The following NCKAP5 variants were observed in gnomAD, a reference collection of about 807,000 sequenced individuals.
NCKAP5 encodes the protein NCK associated protein 5, also known as nck-associated protein 5.
In NCKAP5, 92 loss-of-function variants were observed where a neutral mutation model predicts 167.0. The observed-to-expected ratio is 0.55, with a 90% CI of 0.47 to 0.66. NCKAP5 has a LOEUF of 0.66. NCKAP5 is among the 30% of genes least tolerant of loss of function. The pLI is 0.00. For missense variants in NCKAP5, 2,378 were observed against 2,315.0 expected (o/e 1.03, Z -0.56); for synonymous variants, 891 against 877.4 (o/e 1.02, Z -0.27).
At chr2:133,049,314 G>A (rs931165785) in intron 6 of NCKAP5, among the ~76,000 whole-genome samples, 1 of 152,136 alleles carries the variant, frequency 6.6e-6, no homozygotes, top group Non-Finnish European at 1.5e-5. Context: ...GGGAAGCCTA[G>A]GCGGGTGGAT....
At chr2:133,299,432 C>T (rs1680198484) in intron 4 of NCKAP5, among the ~76,000 whole-genome samples, 1 of 151,958 alleles carries the variant, frequency 6.6e-6, no homozygotes, top group Non-Finnish European at 1.5e-5. Flanking sequence ...GAGCACTCTC[C>T]CCATGCCGCA....
At chr2:132,720,490 G>A (rs963256456) in intron 19 of NCKAP5, among the ~76,000 whole-genome samples, 1 of 152,236 alleles carries the variant, frequency 6.6e-6, no homozygotes. Flanking sequence ...AACAAAGCAA[G>A]TGGGCCCCCA....
intron 11 of NCKAP5, among the ~76,000 whole-genome samples, chr2:132,804,255 T>C (rs1375767920): frequency 6.6e-6 from 1 of 152,182 alleles, no homozygotes; most frequent in East Asian, 1.9e-4. Flanking sequence ...GCTTCCCTTT[T>C]GTCTTCTTCT....
intron 3 of NCKAP5, among the ~76,000 whole-genome samples, chr2:133,350,624 A>G (rs1684296801): frequency 6.6e-6 from 1 of 152,096 alleles, no homozygotes; most frequent in South Asian, 2.1e-4. Context: ...ATCCCATTTT[A>G]CATGTCAGCA....
At chr2:132,941,937 T>C (rs1697331428) in intron 8 of NCKAP5, among the ~76,000 whole-genome samples, 1 of 152,206 alleles carries the variant, frequency 6.6e-6, no homozygotes, top group Non-Finnish European at 1.5e-5. Context: ...CGGGCAAAAA[T>C]ATTTTAGCAT....
intron 5 of NCKAP5, among the ~76,000 whole-genome samples, chr2:133,163,424 A>G (rs1365287293): frequency 2.0e-5 from 3 of 152,232 alleles, no homozygotes; most frequent in Non-Finnish European, 4.4e-5. Flanking sequence ...AGAGGCCCAT[A>G]GAAGACGGGA....
intron 6 of NCKAP5, among the ~76,000 whole-genome samples, chr2:133,074,194 A>G (rs976364832): frequency 3.3e-5 from 5 of 152,214 alleles, no homozygotes; most frequent in Non-Finnish European, 7.3e-5. Context: ...GACAAAGGAG[A>G]AAAAACAATG....
rs945923640 is a variant in NCKAP5 at position 133,517,571 on chromosome 2, G to A, written c.-45C>T. On this transcript the variant is annotated 5_prime_UTR_variant, in exon 3 of 20. In the 5' UTR this introduces an upstream ATG that the reference lacks. Coordinates refer to ENST00000409261, the MANE Select transcript of NCKAP5 (RefSeq NM_207363.3). Reference sequence around the variant, plus strand: ...CTTTTGTGACTTATAAGAATCCCCCGTCTGTTTCCAGGGTCACTGAAAAGA... The same window carrying A: ...CTTTTGTGACTTATAAGAATCCCCCATCTGTTTCCAGGGTCACTGAAAAGA... 42 of 1,322,282 alleles carry A rather than the reference G, an allele frequency of 3.2e-5. No individual in the cohort carries two copies. Among genetic ancestry groups the A allele is most frequent in the African/African-American group, 3.0e-5 (2 of 67,472 alleles). 81.9% of individuals were successfully genotyped at this position (1,322,282 alleles called of 1,614,324 possible).
chr2:132,963,911 A>C (rs1329297707), intron 7 of NCKAP5, 42 bp from the exon 8 acceptor site: 2 of 1,606,690 alleles, frequency 1.2e-6, no homozygotes, highest in Non-Finnish European at 1.7e-6. Context: ...ATCTCCAGTG[A>C]AAAATAAGCA....
chr2:132,977,085 T>C (rs1331859663), intron 7 of NCKAP5, among the ~76,000 whole-genome samples: 3 of 152,150 alleles, frequency 2.0e-5, no homozygotes, highest in African/African-American at 7.2e-5. Context: ...AGATACTGTA[T>C]GCAATTCAAC....
At chr2:132,831,213 T>C (rs1027110145) in intron 11 of NCKAP5, among the ~76,000 whole-genome samples, 4 of 152,192 alleles carry the variant, frequency 2.6e-5, no homozygotes, top group African/African-American at 7.2e-5. Context: ...AAACTTTATT[T>C]TGGTTATTTC....
At chr2:133,199,491 T>C (rs993784706) in intron 5 of NCKAP5, among the ~76,000 whole-genome samples, 1 of 152,072 alleles carries the variant, frequency 6.6e-6, no homozygotes, top group Non-Finnish European at 1.5e-5. Flanking sequence ...ACATCTTTTA[T>C]CATCAAGGTA....
chr2:133,217,551 C>G (rs1281725239), intron 4 of NCKAP5, among the ~76,000 whole-genome samples: 1 of 152,046 alleles, frequency 6.6e-6, no homozygotes, highest in Non-Finnish European at 1.5e-5. Context: ...TCCTCCTTGA[C>G]CACAACAGTA....
intron 6 of NCKAP5, among the ~76,000 whole-genome samples, chr2:133,065,446 G>A (rs1351576786): frequency 1.3e-5 from 2 of 151,992 alleles, no homozygotes; most frequent in Non-Finnish European, 2.9e-5. Flanking sequence ...CCAACATGGT[G>A]AAACCCCGTC....
intron 6 of NCKAP5, among the ~76,000 whole-genome samples, chr2:133,013,305 C>T (rs1054982122): frequency 6.6e-6 from 1 of 152,188 alleles, no homozygotes; most frequent in African/African-American, 2.4e-5. Context: ...ACATTTTCCA[C>T]CTTTGGTAGT....
At chr2:133,321,019 C>G (rs1397854974) in intron 3 of NCKAP5, among the ~76,000 whole-genome samples, 3 of 152,178 alleles carry the variant, frequency 2.0e-5, no homozygotes, top group Non-Finnish European at 4.4e-5. Context: ...CAGACTAGCC[C>G]TAACCCCAGG....
intron 4 of NCKAP5, among the ~76,000 whole-genome samples, chr2:133,244,900 T>C (rs2087899779): frequency 6.6e-6 from 1 of 152,218 alleles, no homozygotes; most frequent in African/African-American, 2.4e-5. Context: ...TTGATGACTT[T>C]GGAAGAGGCA....
At chr2:133,126,960 T>C (rs2082423250) in intron 6 of NCKAP5, among the ~76,000 whole-genome samples, 1 of 152,300 alleles carries the variant, frequency 6.6e-6, no homozygotes, top group East Asian at 1.9e-4. Context: ...GGTTATTAGC[T>C]TAGTTTTTAA....
chr2:133,495,640 A>G (rs989400606), intron 3 of NCKAP5, among the ~76,000 whole-genome samples: 2 of 152,140 alleles, frequency 1.3e-5, no homozygotes, highest in Non-Finnish European at 2.9e-5. Context: ...AAAGCTCCGA[A>G]CTACTGAATA....
Sources: gnomAD v4.1 joint callset for allele counts (sites outside exome capture counted in the v4.1 genomes callset) on GRCh38, gnomAD v4.1.1 for gene constraint, MANE v1.5 for transcripts, NCBI Gene and HGNC (gene_info 2026-07-23, HGNC 2026-07-21) for gene names.